Variants in ACBD6 observed in about 807,000 individuals in gnomAD.
ACBD6 encodes acyl-CoA binding domain containing 6, also known as acyl-CoA-binding domain-containing protein 6.
A neutral mutation model predicts 37.2 loss-of-function variants in ACBD6; 28 were observed. The ratio of observed to expected loss-of-function variants is 0.75; its 90% CI spans 0.56 to 1.03. ACBD6 has a LOEUF of 1.03. Among genes scored for constraint, ACBD6 ranks in the 50% least tolerant of loss-of-function variants. The pLI, the probability that ACBD6 is intolerant of heterozygous loss-of-function variation, is 0.00. For missense variants in ACBD6, 340 were observed against 337.4 expected, an observed-to-expected ratio of 1.01 and a Z score of -0.06; for synonymous variants, 113 against 126.8, an observed-to-expected ratio of 0.89 and a Z score of 0.73.
intron 1 of ACBD6, among the ~76,000 whole-genome samples, chr1:180,496,958 T>G (rs1651764647): frequency 6.6e-6 from 1 of 152,184 alleles, no homozygotes; most frequent in African/African-American, 2.4e-5. Flanking sequence ...CACATTAGTA[T>G]ATCCTGAATT....
At chr1:180,445,095 AT>A (rs1649427918) in intron 3 of ACBD6, among the ~76,000 whole-genome samples, 1 of 152,346 alleles carries the variant, frequency 6.6e-6, no homozygotes, top group African/African-American at 2.4e-5. Context: ...AATGGGAATA[AT>A]AGTACCTATT....
chr1:180,497,365 G>A (rs1651778360), intron 1 of ACBD6, among the ~76,000 whole-genome samples: 1 of 152,128 alleles, frequency 6.6e-6, no homozygotes, highest in Non-Finnish European at 1.5e-5. Context: ...AAAAAGAAAA[G>A]GAGCTTGTCT....
At chr1:180,308,403 G>C (rs566511414) in intron 7 of ACBD6, among the ~76,000 whole-genome samples, 13 of 152,142 alleles carry the variant, frequency 8.5e-5, no homozygotes, top group Non-Finnish European at 1.6e-4. Context: ...ACTTTGTACT[G>C]TATAGGTTGA....
intron 7 of ACBD6, among the ~76,000 whole-genome samples, chr1:180,300,167 A>G (rs926252094): frequency 2.6e-5 from 4 of 152,164 alleles, no homozygotes; most frequent in African/African-American, 9.7e-5. Flanking sequence ...TAATAACTAA[A>G]TCCCCAAAGA....
chr1:180,406,664 TTTA>T (rs1285682180), intron 5 of ACBD6, among the ~76,000 whole-genome samples: 1 of 152,192 alleles, frequency 6.6e-6, no homozygotes, highest in Non-Finnish European at 1.5e-5. Context: ...TGTAGCTTAC[TTTA>T]TTATTATAAT....
intron 6 of ACBD6, among the ~76,000 whole-genome samples, chr1:180,316,842 A>G (rs1458927845): frequency 6.6e-6 from 1 of 152,236 alleles, no homozygotes; most frequent in Non-Finnish European, 1.5e-5. Context: ...TAGGGAATCA[A>G]TAAGCAAATA....
At chr1:180,437,926 G>C (rs1159122055) in intron 3 of ACBD6, among the ~76,000 whole-genome samples, 2 of 152,130 alleles carry the variant, frequency 1.3e-5, no homozygotes, top group African/African-American at 4.8e-5. Flanking sequence ...CTATGATGAG[G>C]GTATGCACAG....
intron 6 of ACBD6, among the ~76,000 whole-genome samples, chr1:180,395,015 A>G (rs1054933524): frequency 1.3e-5 from 2 of 152,218 alleles, no homozygotes; most frequent in African/African-American, 4.8e-5. Context: ...ATAATATACC[A>G]TTCATCATTC....
chr1:180,443,146 T>G (rs1178081693), intron 3 of ACBD6, among the ~76,000 whole-genome samples: 1 of 152,222 alleles, frequency 6.6e-6, no homozygotes, highest in Non-Finnish European at 1.5e-5. Context: ...TACTTGGAAT[T>G]AGTCTGATCC....
At chr1:180,329,962 C>A (rs532866743) in intron 6 of ACBD6, among the ~76,000 whole-genome samples, 1 of 152,244 alleles carries the variant, frequency 6.6e-6, no homozygotes, top group Non-Finnish European at 1.5e-5. Context: ...AACTTTCTGA[C>A]CAGCCCACTC....
At position 180,336,420 on chromosome 1, in the gene ACBD6, C is replaced by T. The variant is rs1261385372; in HGVS notation, c.664-21698G>A. On this transcript the variant is annotated intron_variant, in intron 6 of 7. Coordinates refer to ENST00000367595, the MANE Select transcript of ACBD6 (RefSeq NM_032360.4). ...CCTGCTCCTGAATGACTATTGGGTACATAACGAAATGAAGGCAGAAATAAA... is the reference window on the plus strand; with the variant it reads ...CCTGCTCCTGAATGACTATTGGGTATATAACGAAATGAAGGCAGAAATAAA... Among the ~76,000 whole-genome samples the T allele has an allele frequency of 1.7e-4, 26 of 151,384 alleles. No individual in the cohort carries two copies. In the South Asian group the frequency reaches 5.4e-3, roughly 31 times the overall value.
chr1:180,382,741 G>A (rs1249772535), intron 6 of ACBD6, among the ~76,000 whole-genome samples: 1 of 151,990 alleles, frequency 6.6e-6, no homozygotes, highest in Non-Finnish European at 1.5e-5. Context: ...AATCAGATAA[G>A]GGCTCAACAA....
At chr1:180,436,012 C>A (rs114425965) in intron 3 of ACBD6, 146 of 790,864 alleles carry the variant, frequency 1.8e-4, no homozygotes. Flanking sequence ...TTTACTGTAT[C>A]GTTTAATGTT....
At chr1:180,423,037 G>T (rs151180347) in intron 4 of ACBD6, among the ~76,000 whole-genome samples, 169 of 152,166 alleles carry the variant, frequency 1.1e-3, no homozygotes, top group African/African-American at 3.9e-3. Context: ...TGCCTACATT[G>T]TGATGAACTT....
chr1:180,276,313 T>C (rs1279177043), intron 9 of ACBD6: 2 of 148,818 alleles, frequency 1.3e-5, no homozygotes, highest in Non-Finnish European at 3.0e-5. Flanking sequence ...ACATCTTTTG[T>C]AAGCCCTTTT....
At chr1:180,420,798 G>T (rs1034183902) in intron 4 of ACBD6, among the ~76,000 whole-genome samples, 4 of 152,156 alleles carry the variant, frequency 2.6e-5, no homozygotes, top group Admixed American at 1.3e-4. Context: ...AGGCACAGGG[G>T]TTAACAGTTT....
intron 7 of ACBD6, among the ~76,000 whole-genome samples, chr1:180,307,189 A>T (rs1571341400): frequency 6.6e-6 from 1 of 152,334 alleles, no homozygotes. Flanking sequence ...AAAGAGTGAG[A>T]TTCTGTCATC....
At chr1:180,484,692 AATGAAT>A (rs1215957800) in intron 3 of ACBD6, among the ~76,000 whole-genome samples, 1 of 108,038 alleles carries the variant, frequency 9.3e-6, no homozygotes, top group Non-Finnish European at 2.3e-5. Flanking sequence ...CTGTGTCTAC[AATGAAT>A]ATGTATTCAA....
rs35113782 is a variant in ACBD6 at position 180,368,717 on chromosome 1, C to CATATAT, written c.663+28793_663+28798dup. Among the ~76,000 whole-genome samples the CATATAT allele has an allele frequency of 8.6e-4, 127 of 148,484 alleles. 1 individual carries two copies. The highest frequency in any genetic ancestry group is 3.5e-3 in the Middle Eastern group (1 of 284). ...CCAAATCCTACATATATTATTTTTTCATATATATATATATATGTTTAAATT... is the reference window on the plus strand; with the variant it reads ...CCAAATCCTACATATATTATTTTTTCATATATATATATATATATATATGTTTAAATT... On this transcript the variant is annotated intron_variant, in intron 6 of 7. Transcript: ENST00000367595.
Sources: allele counts gnomAD v4.1 joint callset (sites outside exome capture counted in the v4.1 genomes callset), GRCh38; gene constraint gnomAD v4.1.1; transcripts MANE v1.5; gene names NCBI Gene and HGNC (gene_info 2026-07-23, HGNC 2026-07-21).